Variants in SLC27A6 observed in about 807,000 individuals in gnomAD.
SLC27A6 encodes long-chain fatty acid transport protein 6.
Under a neutral mutation model 63.9 loss-of-function variants are expected in SLC27A6, and 74 were observed. The ratio of observed to expected loss-of-function variants is 1.16; its 90% CI spans 0.96 to 1.40. SLC27A6 has a LOEUF of 1.40. Ranked by LOEUF, SLC27A6 falls within the 40% of genes most tolerant of loss-of-function variation. The pLI is 0.00. For missense variants in SLC27A6, 794 were observed against 732.9 expected, an observed-to-expected ratio of 1.08 and a Z score of -0.96; for synonymous variants, 287 against 260.8, an observed-to-expected ratio of 1.10 and a Z score of -0.97.
intron 5 of SLC27A6, among the ~76,000 whole-genome samples, chr5:129,016,395 C>CAAAAAAAAA (rs759333355): frequency 6.2e-5 from 4 of 64,688 alleles, no homozygotes; most frequent in Non-Finnish European, 9.2e-5. Context: ...GACTCTGTCT[C>CAAAAAAAAA]AAAAAAAAAA....
rs1749893755 is a variant in SLC27A6, at chr5:128,966,347, A to C, written c.210A>C (p.Lys70Asn). 6.2e-7 allele frequency: 1 copy of C among 1,609,706 alleles called. No homozygotes were observed. The highest frequency in any genetic ancestry group is 8.5e-7 in the Non-Finnish European group (1 of 1,178,120). ...FLSHAKRQPR[K>N]PFIIYEGDIY... ...GTCATGCCAAAAGACAACCTCGGAAACCTTTCATCATCTATGAGGGAGACA... is the reference window on the plus strand; with the variant it reads ...GTCATGCCAAAAGACAACCTCGGAACCCTTTCATCATCTATGAGGGAGACA... The change falls in exon 1 of 10, where the codon AAA becomes AAC. Residue 70 changes from lysine (K) to asparagine (N), a missense_variant. Lys to Asn is a moderately conservative substitution (Grantham distance 94, BLOSUM62 0). Transcript: ENST00000262462.
Position 128,966,585 on chromosome 5 carries a change from G to T in SLC27A6, c.448G>T (p.Ala150Ser), listed in dbSNP as rs1179435049. 1.9e-6 allele frequency: 3 copies of T among 1,544,102 alleles called. No individual in the cohort carries two copies. In the Admixed American group the frequency reaches 5.9e-5, roughly 30 times the overall value. ...CAACTCCCTCCTGAATTGCATCCGC[G>T]CCTGTGGGCCCAGAGCCCTAGTGGT... is the stretch of plus-strand genomic sequence containing the variant. ...RSNSLLNCIR[A>S]CGPRALVVGA... Residue 150 changes from alanine to serine, a missense_variant, in exon 1 of 10, where the codon GCC (alanine) becomes TCC (serine). Coordinates refer to ENST00000262462, the MANE Select transcript of SLC27A6 (RefSeq NM_001017372.3).
chr5:129,026,389 A>C (rs1353537881), intron 6 of SLC27A6, among the ~76,000 whole-genome samples: 1 of 152,178 alleles, frequency 6.6e-6, no homozygotes, highest in East Asian at 1.9e-4. Context: ...ATTTCAGATA[A>C]TGTGTCTAAA....
intron 1 of SLC27A6, among the ~76,000 whole-genome samples, chr5:128,968,817 T>C (rs1293463291): frequency 6.6e-5 from 10 of 152,158 alleles, no homozygotes; most frequent in Non-Finnish European, 1.0e-4. Context: ...CTTTTGGTGT[T>C]TTAGACATGA....
chr5:128,985,075 A>C, intron 1 of SLC27A6, 58 bp from the exon 2 acceptor site: 1 of 1,281,564 alleles, frequency 7.8e-7, no homozygotes, highest in Non-Finnish European at 1.1e-6. Context: ...AGCAACTCCA[A>C]AGTGAATTGT....
In SLC27A6 at chr5:129,016,030, AC is replaced by A. The variant is rs758386729; in HGVS notation, c.1116del (p.Tyr373ThrfsTer23). ...ACCGAATCAAGCATATCTTTCATGA[AC>A]TACACTGGGAGAATTGGAGCAATTG... ...AATESSISFM[N>X]YTGRIGAIGR... is the part of the protein sequence containing the mutation. On this transcript the variant is annotated frameshift_variant, in exon 5 of 10. Coordinates refer to ENST00000262462, the MANE Select transcript of SLC27A6 (RefSeq NM_001017372.3). LOFTEE classifies it high-confidence loss of function. The A allele has an allele frequency of 3.1e-6, 5 of 1,604,146 alleles. No individual in the cohort carries two copies. The highest frequency in any genetic ancestry group is 3.4e-6 in the Non-Finnish European group (4 of 1,177,492).
chr5:129,029,701 A>C lies in SLC27A6; in HGVS notation c.1677A>C (p.Arg559Ser), dbSNP rs1561635295. ...LPAYACPRFL[R>S]IQEKMEATGT... ...CTTATGCTTGTCCACGATTTTTAAG[A>C]ATTCAGGTAATTTTAGTGGCGGAGT... The change falls in exon 9 of 10, where the codon AGA (arginine) becomes AGC (serine). Residue 559 changes from arginine to serine, a missense_variant. Physicochemically the swap from Arg to Ser is moderately radical, Grantham distance 110. Transcript: ENST00000262462. 1.3e-6 allele frequency: 2 copies of C among 1,594,678 alleles called. No homozygotes were observed. The highest frequency in any genetic ancestry group is 1.8e-5 in the Admixed American group (1 of 54,120).
Position 129,028,406 on chromosome 5 carries a change from A to G in SLC27A6, c.1516A>G (p.Ile506Val). The G allele has an allele frequency of 1.2e-6, 2 of 1,609,454 alleles. No individual in the cohort carries two copies. The highest frequency in any genetic ancestry group is 1.7e-6 in the Non-Finnish European group (2 of 1,176,444). Residue 506 changes from isoleucine (I) to valine (V), a missense_variant, in exon 8 of 10, where the codon ATA (isoleucine) becomes GTA (valine). Transcript: ENST00000262462. ...TGATGTTATTGGAATGTTGGATTTC[A>G]TACAGGAAGCAAACGTCTATGGTGT... ...VADVIGMLDF[I>V]QEANVYGVAI...
At chr5:129,024,469 C>T (rs115340932) in intron 6 of SLC27A6, among the ~76,000 whole-genome samples, 2 of 152,162 alleles carry the variant, frequency 1.3e-5, no homozygotes, top group Non-Finnish European at 2.9e-5. Context: ...GTAGAAGTGA[C>T]AATGTTTATT....
intron 1 of SLC27A6, among the ~76,000 whole-genome samples, chr5:128,974,301 T>C (rs1369293847): frequency 6.6e-6 from 1 of 152,250 alleles, no homozygotes; most frequent in Non-Finnish European, 1.5e-5. Flanking sequence ...TTTTTTGTAT[T>C]TAAAAAAGCC....
intron 5 of SLC27A6, among the ~76,000 whole-genome samples, chr5:129,017,337 C>T (rs937349214): frequency 2.0e-5 from 3 of 151,522 alleles, no homozygotes; most frequent in African/African-American, 7.3e-5. Flanking sequence ...TTCTAAATAT[C>T]CATTCATCAA....
At chr5:128,999,392 G>T (rs1276095603) in intron 4 of SLC27A6, among the ~76,000 whole-genome samples, 2 of 151,970 alleles carry the variant, frequency 1.3e-5, no homozygotes, top group Non-Finnish European at 2.9e-5. Context: ...TGATCTTCTT[G>T]ACTAAATGTT....
chr5:129,020,471 A>G (rs1752039119), intron 5 of SLC27A6, among the ~76,000 whole-genome samples: 1 of 151,576 alleles, frequency 6.6e-6, no homozygotes, highest in South Asian at 2.1e-4. Flanking sequence ...AAAAATAATT[A>G]TAACACTAAC....
intron 5 of SLC27A6, among the ~76,000 whole-genome samples, chr5:129,020,937 C>T (rs1752054267): frequency 6.6e-6 from 1 of 151,896 alleles, no homozygotes. Context: ...GTCAGAACAG[C>T]ATTACTTTCC....
chr5:128,990,714 C>T (rs998979102), intron 4 of SLC27A6, among the ~76,000 whole-genome samples: 17 of 152,072 alleles, frequency 1.1e-4, no homozygotes, highest in Non-Finnish European at 8.8e-5. Context: ...TTGGGCCATG[C>T]GGTGAGTGTT....
At chr5:128,996,429 T>C (rs1751162210) in intron 4 of SLC27A6, among the ~76,000 whole-genome samples, 1 of 152,214 alleles carries the variant, frequency 6.6e-6, no homozygotes, top group Admixed American at 6.5e-5. Flanking sequence ...ACAAAATGTC[T>C]TACACTTGAC....
intron 4 of SLC27A6, among the ~76,000 whole-genome samples, chr5:128,996,526 A>C (rs17617413): frequency 0.053 from 8,015 of 152,192 alleles, 306 homozygotes; most frequent in Non-Finnish European, 0.075. Flanking sequence ...AATTGTGTTA[A>C]ATTTTTCATT....
At chr5:128,998,235 T>C (rs539069717) in intron 4 of SLC27A6, among the ~76,000 whole-genome samples, 2 of 151,942 alleles carry the variant, frequency 1.3e-5, no homozygotes, top group East Asian at 3.9e-4. Flanking sequence ...GAAGCTGCAG[T>C]GAGCTATGAT....
intron 4 of SLC27A6, among the ~76,000 whole-genome samples, chr5:129,014,399 C>T (rs767977008): frequency 3.9e-5 from 6 of 152,080 alleles, no homozygotes; most frequent in Non-Finnish European, 7.4e-5. Context: ...TGGGAGCTGG[C>T]GAGTTCTGAG....
Sources: gnomAD v4.1 joint callset for allele counts (sites outside exome capture counted in the v4.1 genomes callset) on GRCh38, gnomAD v4.1.1 for gene constraint, MANE v1.5 for transcripts, NCBI Gene and HGNC (gene_info 2026-07-23, HGNC 2026-07-21) for gene names.